The following SSBP2 variants were observed in gnomAD, a reference collection of about 807,000 sequenced individuals.
SSBP2 encodes single stranded DNA binding protein 2.
Under a neutral mutation model 61.8 loss-of-function variants are expected in SSBP2, and 17 were observed. The observed-to-expected ratio is 0.28, with a 90% CI of 0.19 to 0.41. The LOEUF (loss-of-function observed/expected upper bound fraction) is 0.41, where lower values mean the gene tolerates loss of function less well. SSBP2 is among the 10% of genes least tolerant of loss of function. The pLI, the probability that SSBP2 is intolerant of heterozygous loss-of-function variation, is 1.00. For synonymous variants in SSBP2, 139 were observed against 141.3 expected (o/e 0.98, Z 0.12); for missense variants, 310 against 458.7 (o/e 0.68, Z 2.96).
chr5:81,729,602 CT>C (rs1397385904), intron 1 of SSBP2, among the ~76,000 whole-genome samples: 4 of 152,086 alleles, frequency 2.6e-5, no homozygotes, highest in Admixed American at 2.6e-4. Context: ...ATACTCTATA[CT>C]TAAAGGCTTA....
chr5:81,715,082 A>G (rs1755081948), intron 1 of SSBP2, among the ~76,000 whole-genome samples: 1 of 152,180 alleles, frequency 6.6e-6, no homozygotes, highest in Admixed American at 6.5e-5. Context: ...TTAGAGGGGC[A>G]ATCCATATTC....
intron 5 of SSBP2, among the ~76,000 whole-genome samples, chr5:81,508,958 T>C (rs144696219): frequency 1.3e-5 from 2 of 152,320 alleles, no homozygotes; most frequent in Non-Finnish European, 2.9e-5. Context: ...TCAAGCTATC[T>C]CAAAATAAGC....
Position 81,415,204 on chromosome 5 carries a change from C to T in SSBP2, c.*5300G>A, listed in dbSNP as rs1467132810. On this transcript the variant is annotated 3_prime_UTR_variant, in exon 17 of 17. Coordinates refer to ENST00000320672, the MANE Select transcript of SSBP2 (RefSeq NM_012446.5). The stretch of plus-strand genomic sequence containing the variant: ...ATATATGGCAACCTTGTCCCCCATA[C>T]TGGATTACTCCCTCCCATACTATAC... 1.3e-5 allele frequency: 2 copies of T among 152,206 alleles called. No individual in the cohort carries two copies. Among genetic ancestry groups the T allele is most frequent in the African/African-American group, 4.8e-5 (2 of 41,458 alleles). The allele number at this position is 152,206 out of a possible 1,614,324, so 9.4% of individuals were successfully genotyped here.
chr5:81,666,957 C>A (rs1158226861), intron 1 of SSBP2, among the ~76,000 whole-genome samples: 1 of 152,138 alleles, frequency 6.6e-6, no homozygotes, highest in Admixed American at 6.5e-5. Context: ...AAAATTAACA[C>A]CAGAACCAGA....
At chr5:81,561,026 T>C (rs1773004966) in intron 4 of SSBP2, among the ~76,000 whole-genome samples, 1 of 152,196 alleles carries the variant, frequency 6.6e-6, no homozygotes, top group African/African-American at 2.4e-5. Context: ...TATCCTATGA[T>C]CATAGGAGTT....
chr5:81,527,405 G>A (rs1561503506), intron 4 of SSBP2, among the ~76,000 whole-genome samples: 1 of 151,972 alleles, frequency 6.6e-6, no homozygotes, highest in Non-Finnish European at 1.5e-5. Context: ...CCAATCAAAA[G>A]GGGGTTAGGA....
At chr5:81,488,058 TAAATAAA>T (rs1561459552) in intron 6 of SSBP2, among the ~76,000 whole-genome samples, 2 of 83,192 alleles carry the variant, frequency 2.4e-5, no homozygotes, top group Non-Finnish European at 4.1e-5. Flanking sequence ...TATATATATA[TAAATAAA>T]ATATCATATA....
chr5:81,658,535 A>C (rs766166720), intron 1 of SSBP2, among the ~76,000 whole-genome samples: 70 of 150,730 alleles, frequency 4.6e-4, no homozygotes, highest in South Asian at 6.2e-4. Context: ...AATGCTATAC[A>C]GTTATACTTT....
At chr5:81,591,783 A>C (rs1775523515) in intron 4 of SSBP2, among the ~76,000 whole-genome samples, 2 of 152,234 alleles carry the variant, frequency 1.3e-5, no homozygotes, top group African/African-American at 4.8e-5. Context: ...CAGATCATCC[A>C]AGAGTTACAG....
intron 3 of SSBP2, among the ~76,000 whole-genome samples, chr5:81,623,493 G>A (rs997956685): frequency 3.9e-5 from 6 of 151,930 alleles, no homozygotes; most frequent in South Asian, 4.1e-4. Context: ...CCGCCACCGC[G>A]CCCAGCTAAT....
chr5:81,509,118 A>G (rs1394562174), intron 5 of SSBP2, among the ~76,000 whole-genome samples: 1 of 152,174 alleles, frequency 6.6e-6, no homozygotes, highest in Non-Finnish European at 1.5e-5. Context: ...TCTCTTTTGA[A>G]CCAGGAATTC....
chr5:81,695,929 A>T (rs1436839640), intron 1 of SSBP2, among the ~76,000 whole-genome samples: 1 of 152,226 alleles, frequency 6.6e-6, no homozygotes, highest in Non-Finnish European at 1.5e-5. Flanking sequence ...AATAAAATGC[A>T]TGAGTAATAT....
chr5:81,476,904 T>C (rs1765627758), intron 6 of SSBP2, among the ~76,000 whole-genome samples: 1 of 152,220 alleles, frequency 6.6e-6, no homozygotes, highest in African/African-American at 2.4e-5. Flanking sequence ...TTCTATATTG[T>C]TCAATGGGTT....
intron 4 of SSBP2, among the ~76,000 whole-genome samples, chr5:81,548,495 T>A (rs538817204): frequency 6.6e-6 from 1 of 152,330 alleles, no homozygotes; most frequent in African/African-American, 2.4e-5. Context: ...AAATATTCTA[T>A]TATGGATCTA....
intron 9 of SSBP2, among the ~76,000 whole-genome samples, chr5:81,461,696 G>T (rs1210016499): frequency 6.6e-6 from 1 of 151,960 alleles, no homozygotes; most frequent in Non-Finnish European, 1.5e-5. Context: ...CCCATTTCTT[G>T]TTCTCATAAT....
intron 1 of SSBP2, among the ~76,000 whole-genome samples, chr5:81,660,919 A>C (rs992286238): frequency 6.6e-6 from 1 of 151,658 alleles, no homozygotes; most frequent in African/African-American, 2.4e-5. Flanking sequence ...AGAAAACCAA[A>C]CACCACATGT....
intron 1 of SSBP2, among the ~76,000 whole-genome samples, chr5:81,692,009 G>C (rs990456263): frequency 6.6e-6 from 1 of 152,126 alleles, no homozygotes; most frequent in Non-Finnish European, 1.5e-5. Context: ...GTTCCAGCTA[G>C]AGCAATCAGA....
At chr5:81,728,366 A>T (rs145510464) in intron 1 of SSBP2, among the ~76,000 whole-genome samples, 78 of 152,288 alleles carry the variant, frequency 5.1e-4, no homozygotes, top group African/African-American at 1.8e-3. Flanking sequence ...TAAATAAAAC[A>T]TTTCATCTAA....
At chr5:81,726,198 G>A (rs928185711) in intron 1 of SSBP2, among the ~76,000 whole-genome samples, 2 of 152,148 alleles carry the variant, frequency 1.3e-5, no homozygotes, top group Admixed American at 1.3e-4. Context: ...AATCTGAGGA[G>A]TTTGATGAAT....
Sources: gnomAD v4.1 joint callset for allele counts (sites outside exome capture counted in the v4.1 genomes callset) on GRCh38, gnomAD v4.1.1 for gene constraint, MANE v1.5 for transcripts, NCBI Gene and HGNC (gene_info 2026-07-23, HGNC 2026-07-21) for gene names.